Variants in PTPRG observed in about 807,000 individuals in gnomAD.
PTPRG encodes the protein protein tyrosine phosphatase receptor type G.
Under a neutral mutation model 165.3 loss-of-function variants are expected in PTPRG, and 102 were observed. The ratio of observed to expected loss-of-function variants is 0.62; its 90% CI spans 0.53 to 0.73. The LOEUF is 0.73. Ranked by LOEUF, PTPRG falls within the 30% of genes least tolerant of loss-of-function variation. PTPRG has a pLI of 0.00. For missense variants in PTPRG, 1,866 were observed against 1,861.4 expected, an observed-to-expected ratio of 1.00 and a Z score of -0.05; for synonymous variants, 675 against 669.5, an observed-to-expected ratio of 1.01 and a Z score of -0.13.
At position 62,293,667 on chromosome 3, in the gene PTPRG, A is replaced by G. The variant is rs745498028; in HGVS notation, c.*360A>G. 2.5e-4 allele frequency: 40 copies of G among 161,448 alleles called. No homozygotes were observed. The highest frequency in any genetic ancestry group is 3.9e-4 in the Non-Finnish European group (29 of 73,994). The allele number at this position is 161,448 out of a possible 1,614,324, so 10.0% of individuals were successfully genotyped here. A position where few individuals can be genotyped will look rare whatever the true frequency, so the allele number is the denominator to read the frequency against. On this transcript the variant is annotated 3_prime_UTR_variant, in exon 30 of 30. Transcript: ENST00000474889. Reference sequence around the variant, plus strand: ...TGTTATGACAGTGAATATTGCTTTTATTATTATTATTGCTGAAGTGGTTGC... The same window carrying G: ...TGTTATGACAGTGAATATTGCTTTTGTTATTATTATTGCTGAAGTGGTTGC...
chr3:61,773,728 G>GA (rs1460546858), intron 2 of PTPRG, among the ~76,000 whole-genome samples: 5 of 150,180 alleles, frequency 3.3e-5, no homozygotes, highest in South Asian at 2.1e-4. Flanking sequence ...TATGCTTAGG[G>GA]AAAAAAAATT....
intron 2 of PTPRG, among the ~76,000 whole-genome samples, chr3:61,912,459 C>G (rs2038825563): frequency 1.3e-5 from 2 of 152,054 alleles, no homozygotes; most frequent in Admixed American, 6.5e-5. Context: ...TTACTGAAGT[C>G]AAACTGCAAA....
intron 4 of PTPRG, among the ~76,000 whole-genome samples, chr3:62,059,543 A>G (rs1700736645): frequency 6.6e-6 from 1 of 152,210 alleles, no homozygotes; most frequent in Admixed American, 6.5e-5. Context: ...ACTGCTGTTG[A>G]AAGTCAGGAG....
intron 1 of PTPRG, among the ~76,000 whole-genome samples, chr3:61,649,587 C>T (rs978436105): frequency 2.0e-5 from 3 of 152,166 alleles, no homozygotes; most frequent in African/African-American, 4.8e-5. Flanking sequence ...CTAATTGCCT[C>T]GTAAAGATCC....
chr3:61,993,503 G>C (rs2040948310), intron 3 of PTPRG, among the ~76,000 whole-genome samples: 1 of 152,142 alleles, frequency 6.6e-6, no homozygotes. Flanking sequence ...ACACGCATGA[G>C]CCTCCGTGCC....
intron 2 of PTPRG, among the ~76,000 whole-genome samples, chr3:61,831,891 T>G (rs2036306434): frequency 6.6e-6 from 1 of 152,152 alleles, no homozygotes; most frequent in African/African-American, 2.4e-5. Flanking sequence ...GTTTTCTAAT[T>G]GGTTCAGATG....
chr3:62,293,239 G>C lies in PTPRG; in HGVS notation c.4270G>C (p.Asp1424His). The change falls in exon 30 of 30, where the codon GAC becomes CAC. Residue 1424 changes from aspartate (D) to histidine (H), a missense_variant. Transcript: ENST00000474889. ...KENGNGPMTV[D>H]KNGAVLIADE... is the part of the protein sequence containing the mutation. ...AAATGGAAATGGTCCCATGACAGTA[G>C]ACAAAAATGGTGCTGTTCTTATTGC... The C allele has an allele frequency of 1.2e-6, 2 of 1,611,946 alleles. No homozygotes were observed. The highest frequency in any genetic ancestry group is 8.5e-7 in the Non-Finnish European group (1 of 1,179,142).
intron 14 of PTPRG, among the ~76,000 whole-genome samples, chr3:62,242,536 CAT>C (rs920258616): frequency 1.3e-5 from 2 of 152,194 alleles, no homozygotes; most frequent in Non-Finnish European, 2.9e-5. Flanking sequence ...CATACTATGA[CAT>C]GTGATCATTT....
chr3:61,683,713 C>A (rs1382232116), intron 1 of PTPRG, among the ~76,000 whole-genome samples: 1 of 152,218 alleles, frequency 6.6e-6, no homozygotes, highest in African/African-American at 2.4e-5. Flanking sequence ...CGACTTATGA[C>A]TTCACCGTCA....
chr3:61,919,373 A>C (rs1232104688), intron 2 of PTPRG, among the ~76,000 whole-genome samples: 1 of 152,246 alleles, frequency 6.6e-6, no homozygotes, highest in Non-Finnish European at 1.5e-5. Flanking sequence ...GAGTCTGTTT[A>C]TTAGCCAACA....
At chr3:61,607,139 C>CA (rs1316810401) in intron 1 of PTPRG, among the ~76,000 whole-genome samples, 4 of 152,106 alleles carry the variant, frequency 2.6e-5, no homozygotes, top group Non-Finnish European at 5.9e-5. Flanking sequence ...TTAGAGTGAC[C>CA]AGCACATCCT....
intron 5 of PTPRG, among the ~76,000 whole-genome samples, chr3:62,116,685 T>A (rs1396696374): frequency 2.0e-5 from 3 of 152,176 alleles, no homozygotes; most frequent in Non-Finnish European, 2.9e-5. Context: ...GTTGCATGGG[T>A]GTATACAGAT....
At chr3:61,659,816 T>C (rs77355289) in intron 1 of PTPRG, among the ~76,000 whole-genome samples, 1,537 of 152,334 alleles carry the variant, frequency 0.01, 53 homozygotes, top group East Asian at 0.061. Flanking sequence ...TGATACACAA[T>C]TTCCTTTAAA....
chr3:62,203,174 C>T lies in PTPRG; in HGVS notation c.1379C>T (p.Pro460Leu). ...QGTRIVKTGV[P>L]TASPASSADM... ...CCCTTGCCGGGTGACCCTTTCCAGC[C>T]CACAGCGTCTCCTGCCTCTTCAGCC... Residue 460 changes from proline to leucine, a missense_variant and splice_region_variant, in exon 12 of 30, where the codon CCC becomes CTC. By Grantham distance (98) the Pro-to-Leu change is moderately conservative. Transcript: ENST00000474889. This position sits in a 1 kb window ranked among gnomAD's most constrained non-coding sequence, Gnocchi z 6.4. 1.9e-6 allele frequency: 3 copies of T among 1,580,258 alleles called. No individual in the cohort carries two copies. The highest frequency in any genetic ancestry group is 2.6e-6 in the Non-Finnish European group (3 of 1,159,702).
chr3:62,257,213 T>A (rs1377764045), intron 16 of PTPRG, among the ~76,000 whole-genome samples: 1 of 152,080 alleles, frequency 6.6e-6, no homozygotes. Flanking sequence ...TAGGTGAAAA[T>A]TTGAAGTACT....
rs914554965 is a variant in PTPRG at position 62,214,816 on chromosome 3, G to C, written c.2156-4035G>C. 4.6e-5 allele frequency among the ~76,000 whole-genome samples: 7 copies of C among 152,206 alleles called. No homozygotes were observed. The highest frequency in any genetic ancestry group is 1.7e-4 in the African/African-American group (7 of 41,444). ...GAACTCCAGGCCCAAACTGGTTTAA[G>C]TTATTGGTTAAAAGTCACACAGAAA... On this transcript the variant is annotated intron_variant, in intron 12 of 29. Coordinates refer to ENST00000474889, the MANE Select transcript of PTPRG (RefSeq NM_002841.4). The surrounding 1 kb of genome is among the most constrained non-coding windows in gnomAD (Gnocchi z 5.2).
chr3:62,246,775 CCATT>C (rs1366745342), intron 15 of PTPRG, among the ~76,000 whole-genome samples: 1 of 151,932 alleles, frequency 6.6e-6, no homozygotes, highest in Non-Finnish European at 1.5e-5. Flanking sequence ...TTTATTCTAC[CCATT>C]CAATCTCAGT....
intron 8 of PTPRG, among the ~76,000 whole-genome samples, chr3:62,189,606 G>A (rs557022295): frequency 6.6e-6 from 1 of 152,228 alleles, no homozygotes; most frequent in South Asian, 2.1e-4. Flanking sequence ...AGGCCTCTGC[G>A]TTTTACCTCC....
intron 2 of PTPRG, among the ~76,000 whole-genome samples, chr3:61,853,620 G>T (rs147320637): frequency 2.2e-4 from 34 of 152,344 alleles, no homozygotes; most frequent in African/African-American, 7.5e-4. Context: ...GCACAGCTAA[G>T]CCATTGCTAC....
Sources: allele counts gnomAD v4.1 joint callset (sites outside exome capture counted in the v4.1 genomes callset), GRCh38; gene constraint gnomAD v4.1.1; non-coding constraint Gnocchi (gnomAD v3.1); transcripts MANE v1.5; gene names NCBI Gene and HGNC (gene_info 2026-07-23, HGNC 2026-07-21).